The following PRR20G variants were observed in gnomAD, a reference collection of about 807,000 sequenced individuals.
PRR20G encodes the protein proline-rich protein 20G.
At chr3:127,285,191 A>G (rs943058561) in intron 2 of PRR20G, among the ~76,000 whole-genome samples, 2 of 152,214 alleles carry the variant, frequency 1.3e-5, no homozygotes, top group Non-Finnish European at 2.9e-5. Flanking sequence ...CTGAGTTACT[A>G]CAAGAAAAAT....
In PRR20G at chr3:127,283,956, G is replaced by A. The variant is rs1242443403; in HGVS notation, c.*104C>T. 6.6e-6 allele frequency: 1 copy of A among 152,352 alleles called. No individual in the cohort carries two copies. The highest frequency in any genetic ancestry group is 1.5e-5 in the Non-Finnish European group (1 of 68,134). The allele number at this position is 152,352 out of a possible 1,614,324, so 9.4% of individuals were successfully genotyped here. On this transcript the variant is annotated 3_prime_UTR_variant, in exon 3 of 3. Transcript: ENST00000465482. ...CAACACAAAGTAAGGGCTCTGACTG[G>A]GATGGGCAGGGAGGAGTGGAGCAGA...
intron 2 of PRR20G, among the ~76,000 whole-genome samples, chr3:127,285,142 T>G (rs554690763): frequency 1.3e-5 from 2 of 152,258 alleles, no homozygotes; most frequent in Non-Finnish European, 2.9e-5. Context: ...TTTCATAAAT[T>G]AGTATAATAA....
In PRR20G at chr3:127,283,992, G is replaced by C. The variant is rs2080374169; in HGVS notation, c.*68C>G. ...GAGGAGTGGAGCAGAAATGGGGCTA[G>C]AGTTTGGGGATAGGGGGAAAGACCA... On this transcript the variant is annotated 3_prime_UTR_variant, in exon 3 of 3. Coordinates refer to ENST00000465482, the MANE Select transcript of PRR20G (RefSeq NM_001362810.2). 1 of 145,656 alleles carries C rather than the reference G, an allele frequency of 6.9e-6. No individual in the cohort carries two copies. Among genetic ancestry groups the C allele is most frequent in the Non-Finnish European group, 1.6e-5 (1 of 64,326 alleles). The allele number at this position is 145,656 out of a possible 1,614,324, so 9.0% of individuals were successfully genotyped here.
intron 2 of PRR20G, among the ~76,000 whole-genome samples, chr3:127,285,669 G>A (rs116499240): frequency 1.4e-3 from 217 of 152,296 alleles, no homozygotes; most frequent in African/African-American, 5.0e-3. Context: ...TATCTATTCT[G>A]TGGAACCCAA....
rs188560938 is a variant in PRR20G, at chr3:127,287,898, C to T, written c.-27G>A. Among the ~76,000 whole-genome samples, 40 of 152,230 alleles carry T rather than the reference C, an allele frequency of 2.6e-4. No homozygotes were observed. Among genetic ancestry groups the T allele is most frequent in the Non-Finnish European group, 4.6e-4 (31 of 68,020 alleles). On this transcript the variant is annotated 5_prime_UTR_variant, in exon 1 of 3. Coordinates refer to ENST00000465482, the MANE Select transcript of PRR20G (RefSeq NM_001362810.2). ...ACACACCTGATCTCCCTGCAGCTGG[C>T]TCTCTTCTATGGGGAGAGGCCTGAG... is the stretch of plus-strand genomic sequence containing the variant.
At chr3:127,287,440 G>A (rs1198378732) in intron 1 of PRR20G, among the ~76,000 whole-genome samples, 68 bp from the exon 2 acceptor site, 2 of 152,166 alleles carry the variant, frequency 1.3e-5, no homozygotes, top group Admixed American at 6.5e-5. Context: ...TTTCCCAAGC[G>A]TCACGCAGCG....
At chr3:127,287,089 T>C (rs955530604) in intron 2 of PRR20G, among the ~76,000 whole-genome samples, 2 of 151,926 alleles carry the variant, frequency 1.3e-5, no homozygotes, top group Non-Finnish European at 1.5e-5. Context: ...GAAAAAGAAA[T>C]AGCAGTAGGG....
chr3:127,285,645 T>C (rs1278456735), intron 2 of PRR20G, among the ~76,000 whole-genome samples: 3 of 152,198 alleles, frequency 2.0e-5, no homozygotes, highest in Non-Finnish European at 4.4e-5. Context: ...TTGCCCAATT[T>C]CATAGCCCAA....
chr3:127,285,034 C>G (rs1486297052), intron 2 of PRR20G, among the ~76,000 whole-genome samples: 1 of 152,154 alleles, frequency 6.6e-6, no homozygotes, highest in East Asian at 1.9e-4. Flanking sequence ...GAGTGACCAG[C>G]TGGGAGGTGA....
At chr3:127,286,972 C>A (rs7432368) in intron 2 of PRR20G, among the ~76,000 whole-genome samples, 72,597 of 151,826 alleles carry the variant, frequency 0.48, 17,959 homozygotes, top group East Asian at 0.7. Flanking sequence ...AGGGTGTGGG[C>A]CCTGGGATGG....
At chr3:127,286,466 T>C (rs947824555) in intron 2 of PRR20G, among the ~76,000 whole-genome samples, 7 of 152,206 alleles carry the variant, frequency 4.6e-5, no homozygotes, top group Non-Finnish European at 8.8e-5. Flanking sequence ...ATTAAAAGAT[T>C]TAGGACAGTG....
At chr3:127,285,488 A>G (rs1046589683) in intron 2 of PRR20G, among the ~76,000 whole-genome samples, 10 of 152,290 alleles carry the variant, frequency 6.6e-5, no homozygotes, top group Non-Finnish European at 7.4e-5. Context: ...ATGATTGAGC[A>G]ATGGAACAGA....
intron 1 of PRR20G, among the ~76,000 whole-genome samples, 132 bp downstream of exon 1, chr3:127,287,747 T>C (rs1211769383): frequency 6.6e-6 from 1 of 152,094 alleles, no homozygotes; most frequent in Non-Finnish European, 1.5e-5. Context: ...AGATGGAGGA[T>C]GGGGAACAGA....
intron 2 of PRR20G, among the ~76,000 whole-genome samples, chr3:127,286,485 G>A (rs1278967254): frequency 6.6e-6 from 1 of 152,216 alleles, no homozygotes; most frequent in Non-Finnish European, 1.5e-5. Context: ...TGTATGAAGG[G>A]AAATGTTTTC....
intron 2 of PRR20G, among the ~76,000 whole-genome samples, chr3:127,286,781 TGA>T (rs1392999798): frequency 1.3e-5 from 2 of 152,178 alleles, no homozygotes; most frequent in African/African-American, 4.8e-5. Flanking sequence ...AAAGTGAAAC[TGA>T]GAGAACGCTT....
At position 127,286,514 on chromosome 3, in the gene PRR20G, G is replaced by A. The variant is rs187683195; in HGVS notation, c.52+800C>T. Reference sequence around the variant, plus strand: ...TGTTTTCAAGAATAATTTGGCAATGGCCATCAAATTCCAATACCTCCAGAA... The same window carrying A: ...TGTTTTCAAGAATAATTTGGCAATGACCATCAAATTCCAATACCTCCAGAA... On this transcript the variant is annotated intron_variant, in intron 2 of 2. Coordinates refer to ENST00000465482, the MANE Select transcript of PRR20G (RefSeq NM_001362810.2). 4.0e-3 allele frequency among the ~76,000 whole-genome samples: 616 copies of A among 152,290 alleles called. 5 individuals carry two copies. The highest frequency in any genetic ancestry group is 0.014 in the African/African-American group (588 of 41,562).
rs760670645 is a variant in PRR20G at position 127,283,858 on chromosome 3, C to T, written c.*202G>A. On this transcript the variant is annotated 3_prime_UTR_variant, in exon 3 of 3. Transcript: ENST00000465482. ...TGTATTTTTGACAGAACATACAAAG[C>T]GGAGGCAAGAGGGGAATTGGAAGCA... is the stretch of plus-strand genomic sequence containing the variant. Among the ~76,000 whole-genome samples the T allele has an allele frequency of 1.4e-4, 21 of 152,006 alleles. 1 individual carries two copies. Among genetic ancestry groups the T allele is most frequent in the African/African-American group, 1.9e-4 (8 of 41,448 alleles).
intron 2 of PRR20G, among the ~76,000 whole-genome samples, 24 bp downstream of exon 2, chr3:127,287,290 A>G (rs2080392030): frequency 6.6e-6 from 1 of 152,202 alleles, no homozygotes. Context: ...AAAATTAAAA[A>G]GAGTGGTAGG....
chr3:127,287,194 G>A (rs568701690), intron 2 of PRR20G, among the ~76,000 whole-genome samples, 120 bp downstream of exon 2: 4 of 152,308 alleles, frequency 2.6e-5, no homozygotes, highest in African/African-American at 7.2e-5. Context: ...TTGAGAAGGA[G>A]CATGGGCTGC....
Sources: allele counts gnomAD v4.1 joint callset (sites outside exome capture counted in the v4.1 genomes callset), GRCh38; gene constraint gnomAD v4.1.1; transcripts MANE v1.5; gene names NCBI Gene and HGNC (gene_info 2026-07-23, HGNC 2026-07-21).